The following SUFU variants were observed in gnomAD, a reference collection of about 807,000 sequenced individuals.
The protein encoded by SUFU is SUFU negative regulator of hedgehog signaling.
SUFU carries 7 observed loss-of-function variants against 58.9 expected under a neutral mutation model. The ratio of observed to expected loss-of-function variants is 0.12; its 90% confidence interval spans 0.07 to 0.22. SUFU has a LOEUF of 0.22. Ranked by LOEUF, SUFU falls within the 10% of genes least tolerant of loss-of-function variation. The pLI is 1.00. For missense variants in SUFU, 451 were observed against 641.3 expected (o/e 0.70, Z 3.20); for synonymous variants, 232 against 254.8 (o/e 0.91, Z 0.85).
chr10:102,606,328 A>G (rs1292815327), intron 8 of SUFU, among the ~76,000 whole-genome samples: 3 of 152,376 alleles, frequency 2.0e-5, no homozygotes, highest in African/African-American at 7.2e-5. Flanking sequence ...AAGCCATCCC[A>G]TAAACCACCC....
chr10:102,513,564 A>G (rs982551374), intron 2 of SUFU, among the ~76,000 whole-genome samples: 1 of 152,250 alleles, frequency 6.6e-6, no homozygotes, highest in Non-Finnish European at 1.5e-5. Flanking sequence ...AATATTGAGT[A>G]ATAAATGCTA....
chr10:102,527,117 C>T (rs994488301), intron 2 of SUFU, among the ~76,000 whole-genome samples: 2 of 150,954 alleles, frequency 1.3e-5, no homozygotes, highest in African/African-American at 4.9e-5. Context: ...ATTCTCCTGC[C>T]TCAGCCTCCC....
chr10:102,562,252 C>T (rs960522443), intron 3 of SUFU, among the ~76,000 whole-genome samples: 4 of 152,020 alleles, frequency 2.6e-5, no homozygotes, highest in African/African-American at 7.3e-5. Flanking sequence ...ATGCCAGGTG[C>T]GGTGGCTCAC....
At chr10:102,627,107 G>T in intron 10 of SUFU, 68 bp from the exon 11 acceptor site, 1 of 1,542,996 alleles carries the variant, frequency 6.5e-7, no homozygotes, top group African/African-American at 1.4e-5. Flanking sequence ...GAGGTATAAC[G>T]CTTGGTGGTT....
chr10:102,596,729 T>A (rs1023516921), intron 6 of SUFU, among the ~76,000 whole-genome samples: 1 of 152,132 alleles, frequency 6.6e-6, no homozygotes, highest in Non-Finnish European at 1.5e-5. Flanking sequence ...AGGTTCTGCC[T>A]GAAGATCGGG....
At chr10:102,607,060 A>ATTT (rs34836365) in intron 8 of SUFU, among the ~76,000 whole-genome samples, 1 of 143,920 alleles carries the variant, frequency 6.9e-6, no homozygotes, top group African/African-American at 2.6e-5. Context: ...GGTAAGAGTA[A>ATTT]TTTTTTTTTT....
Position 102,512,521 on chromosome 10 carries a change from TA to T in SUFU, c.317+3220del, listed in dbSNP as rs1164774423. Among the ~76,000 whole-genome samples the T allele has an allele frequency of 7.2e-5, 11 of 152,258 alleles. No individual in the cohort carries two copies. In the East Asian group the frequency reaches 2.1e-3, roughly 29 times the overall value. On this transcript the variant is annotated intron_variant, in intron 2 of 11. Transcript: ENST00000369902. ...TCATATTTCAGAAGGGGCAACCTCT[TA>T]ATTTGAAATAGGACCTTTCTTATTG...
At chr10:102,559,938 CAT>C (rs1564680937) in intron 3 of SUFU, among the ~76,000 whole-genome samples, 2 of 152,210 alleles carry the variant, frequency 1.3e-5, no homozygotes, top group African/African-American at 4.8e-5. Flanking sequence ...AACCTCATGA[CAT>C]GTGCTCAGTT....
intron 2 of SUFU, among the ~76,000 whole-genome samples, chr10:102,541,954 G>A (rs1372040724): frequency 1.4e-5 from 2 of 141,156 alleles, no homozygotes; most frequent in Non-Finnish European, 3.0e-5. Flanking sequence ...GTGCGATCTT[G>A]GCTCACTGCA....
At chr10:102,589,382 A>G (rs1302684314) in intron 3 of SUFU, among the ~76,000 whole-genome samples, 1 of 149,500 alleles carries the variant, frequency 6.7e-6, no homozygotes, top group Admixed American at 6.7e-5. Context: ...ATATCATGCT[A>G]TCCATGAATA....
chr10:102,562,395 G>A (rs757859018), intron 3 of SUFU, among the ~76,000 whole-genome samples: 8 of 151,938 alleles, frequency 5.3e-5, no homozygotes, highest in Admixed American at 6.6e-5. Flanking sequence ...GTGGTGGCAC[G>A]CACCTGTAGT....
intron 2 of SUFU, among the ~76,000 whole-genome samples, chr10:102,514,081 C>G (rs2062434849): frequency 1.3e-5 from 2 of 151,830 alleles, no homozygotes; most frequent in East Asian, 3.9e-4. Context: ...GACACGAGGT[C>G]TTGCTATGTT....
At chr10:102,523,613 C>T (rs1388124574) in intron 2 of SUFU, among the ~76,000 whole-genome samples, 1 of 152,222 alleles carries the variant, frequency 6.6e-6, no homozygotes, top group Non-Finnish European at 1.5e-5. Context: ...CCTGTTCTAG[C>T]TTTTCCCATA....
At chr10:102,551,315 G>A (rs1024763140) in intron 3 of SUFU, among the ~76,000 whole-genome samples, 5 of 152,148 alleles carry the variant, frequency 3.3e-5, no homozygotes, top group African/African-American at 1.2e-4. Flanking sequence ...AAACCTTCCT[G>A]TGGGGCTCCA....
chr10:102,527,858 G>A (rs2062629739), intron 2 of SUFU, among the ~76,000 whole-genome samples: 2 of 152,170 alleles, frequency 1.3e-5, no homozygotes, highest in Admixed American at 6.5e-5. Context: ...TGGACAAAAG[G>A]CCCTTGGGTA....
chr10:102,605,180 G>A (rs1374177262), intron 8 of SUFU, among the ~76,000 whole-genome samples: 2 of 151,662 alleles, frequency 1.3e-5, no homozygotes, highest in African/African-American at 4.8e-5. Flanking sequence ...GCCTCCCAAA[G>A]TGCTGGGATT....
chr10:102,615,860 T>C (rs111801168), intron 9 of SUFU, among the ~76,000 whole-genome samples: 1 of 152,282 alleles, frequency 6.6e-6, no homozygotes, highest in African/African-American at 2.4e-5. Flanking sequence ...ACTGGTCTCC[T>C]ATTGCTTGTT....
At chr10:102,622,718 C>T (rs191163001) in intron 10 of SUFU, among the ~76,000 whole-genome samples, 2,760 of 151,798 alleles carry the variant, frequency 0.018, 73 homozygotes, top group African/African-American at 0.063. Flanking sequence ...CTTTGGGAGG[C>T]TGAGGCAGGA....
intron 4 of SUFU, among the ~76,000 whole-genome samples, chr10:102,593,173 A>T (rs906497155): frequency 1.3e-5 from 2 of 152,146 alleles, no homozygotes; most frequent in Non-Finnish European, 2.9e-5. Flanking sequence ...CCTATCCCCT[A>T]ATAAGGAAGG....
Sources: gnomAD v4.1 joint callset for allele counts (sites outside exome capture counted in the v4.1 genomes callset) on GRCh38, gnomAD v4.1.1 for gene constraint, MANE v1.5 for transcripts, NCBI Gene and HGNC (gene_info 2026-07-23, HGNC 2026-07-21) for gene names.